GAS7: variants seen among roughly 807,000 people sequenced by gnomAD.
The protein encoded by GAS7 is growth arrest-specific protein 7.
GAS7 carries 28 observed loss-of-function variants against 71.1 expected under a neutral mutation model. The ratio of observed to expected loss-of-function variants is 0.39; its 90% CI spans 0.29 to 0.54. The LOEUF (loss-of-function observed/expected upper bound fraction) is 0.54. Ranked by LOEUF, GAS7 falls within the 20% of genes least tolerant of loss-of-function variation. The pLI is 0.62. For synonymous variants in GAS7, 258 were observed against 245.8 expected (o/e 1.05, Z -0.46); for missense variants, 436 against 627.8 (o/e 0.69, Z 3.27).
Position 9,943,204 on chromosome 17 carries a change from G to A in GAS7, c.648C>T (p.Thr216=), listed in dbSNP as rs17339499. 6.2e-6 allele frequency: 10 copies of A among 1,611,906 alleles called. No individual in the cohort carries two copies. Among genetic ancestry groups the A allele is most frequent in the African/African-American group, 4.0e-5 (3 of 74,848 alleles). Residue 216 remains threonine, a synonymous_variant, in exon 7 of 14, where the codon ACC becomes ACT. Transcript: ENST00000432992. The part of the protein sequence containing the change: ...ADKKDPQGNG[T]VAGFELLLQK... ...GGAGCAGTAGTTCAAACCCAGCCAC[G>A]GTGCCGTTGCCTTGGGGGTCCTTCT... is the stretch of plus-strand genomic sequence containing the variant.
chr17:10,030,281 A>G (rs1358453464), intron 1 of GAS7, among the ~76,000 whole-genome samples: 1 of 152,238 alleles, frequency 6.6e-6, no homozygotes, highest in East Asian at 1.9e-4. Context: ...GGTTGGGACC[A>G]AAGTACTTTG....
intron 1 of GAS7, among the ~76,000 whole-genome samples, chr17:10,033,149 G>C (rs762719497): frequency 6.6e-6 from 1 of 152,124 alleles, no homozygotes; most frequent in African/African-American, 2.4e-5. Context: ...TATCTATAAC[G>C]ATATCACTTG....
intron 1 of GAS7, among the ~76,000 whole-genome samples, chr17:10,192,906 C>T (rs2074513142): frequency 6.6e-6 from 1 of 152,080 alleles, no homozygotes; most frequent in Non-Finnish European, 1.5e-5. Context: ...AATTACCCAC[C>T]CCTCCGAGCC....
Position 9,915,650 on chromosome 17 carries a change from C to G in GAS7, c.*1578G>C, listed in dbSNP as rs952907041. 1.3e-5 allele frequency: 3 copies of G among 229,056 alleles called. No individual in the cohort carries two copies. Among genetic ancestry groups the G allele is most frequent in the Admixed American group, 5.7e-5 (1 of 17,646 alleles). 14.2% of individuals were successfully genotyped at this position (229,056 alleles called of 1,614,324 possible). On this transcript the variant is annotated 3_prime_UTR_variant, in exon 14 of 14. Transcript: ENST00000432992. ...AAAAAATTAGAGATTAATAAGTCAT[C>G]GGTTTCTAGCACGTTGACTGAAAGA...
At chr17:10,063,119 C>T (rs550318638) in intron 1 of GAS7, among the ~76,000 whole-genome samples, 3 of 152,368 alleles carry the variant, frequency 2.0e-5, no homozygotes, top group Admixed American at 6.5e-5. Context: ...AGCAGAGTGG[C>T]TCTGTGGTGG....
chr17:9,920,510 G>A lies in GAS7; in HGVS notation c.1139-805C>T, dbSNP rs149398592. On this transcript the variant is annotated intron_variant, in intron 11 of 13. Coordinates refer to ENST00000432992, the MANE Select transcript of GAS7 (RefSeq NM_201433.2). Reference sequence around the variant, plus strand: ...GAAGTAATTGCAAACATTACTAAGCGTACCAGCACCTTGGAACCTTGCTAC... The same window carrying A: ...GAAGTAATTGCAAACATTACTAAGCATACCAGCACCTTGGAACCTTGCTAC... Among the ~76,000 whole-genome samples the A allele has an allele frequency of 1.7e-3, 261 of 152,312 alleles. 1 individual carries two copies. Among genetic ancestry groups the A allele is most frequent in the African/African-American group, 5.3e-3 (222 of 41,566 alleles).
rs560114939 is a variant in GAS7, at chr17:10,055,984, G to C, written c.184-36087C>G. Among the ~76,000 whole-genome samples, 39 of 152,324 alleles carry C rather than the reference G, an allele frequency of 2.6e-4. 1 individual carries two copies. Among genetic ancestry groups the C allele is most frequent in the Non-Finnish European group, 1.0e-4 (7 of 68,028 alleles). On this transcript the variant is annotated intron_variant, in intron 1 of 13. Transcript: ENST00000432992. Reference sequence around the variant, plus strand: ...ACTTTCTTTGACCCGCCAGGTAGAAGTGAATTATCCCCAATTCTGAATCTC... The same window carrying C: ...ACTTTCTTTGACCCGCCAGGTAGAACTGAATTATCCCCAATTCTGAATCTC...
intron 9 of GAS7, among the ~76,000 whole-genome samples, chr17:9,932,365 T>C (rs1292751286): frequency 1.3e-5 from 2 of 152,068 alleles, no homozygotes; most frequent in African/African-American, 4.8e-5. Context: ...CAGCTAATTT[T>C]TGTATTTTTA....
chr17:10,182,321 G>A (rs1056632497), intron 1 of GAS7, among the ~76,000 whole-genome samples: 3 of 151,940 alleles, frequency 2.0e-5, no homozygotes, highest in Admixed American at 6.6e-5. Context: ...CACCACGCTC[G>A]GCTAATTTTT....
At chr17:10,079,669 TTGAC>T (rs1383442177) in intron 1 of GAS7, among the ~76,000 whole-genome samples, 5 of 152,198 alleles carry the variant, frequency 3.3e-5, no homozygotes. Flanking sequence ...TTAAATGTAT[TTGAC>T]TGATCATATC....
chr17:10,198,235 G>T lies in GAS7; in HGVS notation c.156C>A (p.Phe52Leu). ...CCAGCAACTGCACGTAGCTCGCCGG[G>T]AACCAGCCACGGAGCCCGTCCTCCT... ...GEKEDGLRGW[F>L]PASYVQLLEK... Residue 52 changes from phenylalanine (F) to leucine (L), a missense_variant, in exon 1 of 14, where the codon TTC (phenylalanine) becomes TTA (leucine). Coordinates refer to ENST00000432992, the MANE Select transcript of GAS7 (RefSeq NM_201433.2). The T allele has an allele frequency of 6.2e-7, 1 of 1,607,940 alleles. No homozygotes were observed.
intron 2 of GAS7, among the ~76,000 whole-genome samples, chr17:10,016,041 T>C (rs1321551334): frequency 1.3e-5 from 2 of 152,210 alleles, no homozygotes; most frequent in Non-Finnish European, 2.9e-5. Context: ...GCCTGGTACA[T>C]ATTTGAGGCT....
chr17:9,959,319 T>C lies in GAS7; in HGVS notation c.472-64A>G. 3 of 1,610,708 alleles carry C rather than the reference T, an allele frequency of 1.9e-6. No homozygotes were observed. Among genetic ancestry groups the C allele is most frequent in the Non-Finnish European group, 1.7e-6 (2 of 1,178,314 alleles). On this transcript the variant is annotated intron_variant, in intron 4 of 13. Coordinates refer to ENST00000432992, the MANE Select transcript of GAS7 (RefSeq NM_201433.2). The surrounding 1 kb of genome is among the most constrained non-coding windows in gnomAD (Gnocchi z 5.0). The stretch of plus-strand genomic sequence containing the variant: ...CCATATTGGACATTTTTTCCCCCCA[T>C]TCAGGTTCCCTGAGGGTGGAGGCGC...
intron 2 of GAS7, among the ~76,000 whole-genome samples, chr17:10,000,863 C>T (rs1319797579): frequency 2.0e-5 from 3 of 152,128 alleles, no homozygotes; most frequent in Non-Finnish European, 4.4e-5. Context: ...CAGCACATAC[C>T]ATTTGTATAT....
At chr17:10,109,124 T>A (rs1488486215) in intron 1 of GAS7, among the ~76,000 whole-genome samples, 1 of 151,276 alleles carries the variant, frequency 6.6e-6, no homozygotes, top group Non-Finnish European at 1.5e-5. Context: ...GCAAAAAAAA[T>A]TTAAAAAAAT....
chr17:9,949,835 C>G (rs1308187152), intron 5 of GAS7, among the ~76,000 whole-genome samples: 2 of 149,262 alleles, frequency 1.3e-5, no homozygotes, highest in Non-Finnish European at 3.0e-5. Context: ...CCCTCTTCCC[C>G]TCCCTCCTTC....
intron 1 of GAS7, among the ~76,000 whole-genome samples, chr17:10,132,652 T>A (rs1253923755): frequency 6.6e-6 from 1 of 152,022 alleles, no homozygotes; most frequent in East Asian, 1.9e-4. Flanking sequence ...CCTGTAGTCC[T>A]AGCTGCTTGG....
In GAS7 at chr17:9,917,082, C is replaced by T. The variant is rs986231805; in HGVS notation, c.*146G>A. 2.0e-5 allele frequency: 13 copies of T among 634,148 alleles called. No individual in the cohort carries two copies. Among genetic ancestry groups the T allele is most frequent in the East Asian group, 8.2e-5 (3 of 36,650 alleles). The allele number at this position is 634,148 out of a possible 1,614,324, so 39.3% of individuals were successfully genotyped here. A position where few individuals can be genotyped will look rare whatever the true frequency, so the allele number is the denominator to read the frequency against. ...TGGGGGAGCCCCCAGCTAGGCTGTC[C>T]GGGTCACCCTTCTGGAATCACCAGC... On this transcript the variant is annotated 3_prime_UTR_variant, in exon 14 of 14. Coordinates refer to ENST00000432992, the MANE Select transcript of GAS7 (RefSeq NM_201433.2).
At chr17:10,040,241 G>C (rs1005854006) in intron 1 of GAS7, among the ~76,000 whole-genome samples, 1 of 152,222 alleles carries the variant, frequency 6.6e-6, no homozygotes, top group Admixed American at 6.5e-5. Flanking sequence ...CAATATTCTA[G>C]GCCATGGGGC....
Sources: gnomAD v4.1 joint callset for allele counts (sites outside exome capture counted in the v4.1 genomes callset) on GRCh38, gnomAD v4.1.1 for gene constraint, Gnocchi (gnomAD v3.1) non-coding constraint, MANE v1.5 for transcripts, NCBI Gene and HGNC (gene_info 2026-07-23, HGNC 2026-07-21) for gene names.